DLG2: variants seen among roughly 807,000 people sequenced by gnomAD.
DLG2 encodes the protein discs large MAGUK scaffold protein 2.
In DLG2, 45 loss-of-function variants were observed where a neutral mutation model predicts 132.5. The ratio of observed to expected loss-of-function variants is 0.34; its 90% CI spans 0.27 to 0.44. The LOEUF (loss-of-function observed/expected upper bound fraction) is 0.44. DLG2 is among the 20% of genes least tolerant of loss of function. The probability of loss-of-function intolerance (pLI) is 1.00; values close to 1 mark genes in which losing one functional copy is unlikely to be tolerated. For missense variants in DLG2, 1,045 were observed against 1,196.9 expected, an observed-to-expected ratio of 0.87 and a Z score of 1.87; for synonymous variants, 424 against 419.6, an observed-to-expected ratio of 1.01 and a Z score of -0.13.
chr11:84,591,818 G>GT (rs2099544056), intron 6 of DLG2, among the ~76,000 whole-genome samples: 1 of 152,102 alleles, frequency 6.6e-6, no homozygotes, highest in African/African-American at 2.4e-5. Context: ...CAGAATCTCT[G>GT]TGGGGGTAGG....
intron 6 of DLG2, among the ~76,000 whole-genome samples, chr11:84,625,376 G>A (rs1399392879): frequency 6.6e-6 from 1 of 152,110 alleles, no homozygotes; most frequent in Non-Finnish European, 1.5e-5. Flanking sequence ...CATTTCTCCT[G>A]AACAAGCTGC....
At chr11:83,925,013 T>G (rs2078696767) in intron 15 of DLG2, among the ~76,000 whole-genome samples, 1 of 152,262 alleles carries the variant, frequency 6.6e-6, no homozygotes, top group Middle Eastern at 3.4e-3. Flanking sequence ...TCATATTTGC[T>G]TCCAACACTA....
chr11:83,631,149 C>A, intron 19 of DLG2: 1 of 140,604 alleles, frequency 7.1e-6, no homozygotes, highest in South Asian at 2.3e-4. Context: ...AAGAATTTCA[C>A]TTAGGCCTTG....
chr11:84,811,743 G>A (rs1312873136), intron 6 of DLG2, among the ~76,000 whole-genome samples: 1 of 152,104 alleles, frequency 6.6e-6, no homozygotes, highest in Non-Finnish European at 1.5e-5. Context: ...TGTACTGCAT[G>A]CCTACTCTGT....
intron 6 of DLG2, among the ~76,000 whole-genome samples, chr11:85,103,678 T>A (rs2071243030): frequency 1.3e-5 from 2 of 151,936 alleles, no homozygotes; most frequent in African/African-American, 4.8e-5. Context: ...CAAGCCTTTT[T>A]AGATATAACA....
chr11:84,225,900 T>C (rs1441447571), intron 8 of DLG2, among the ~76,000 whole-genome samples: 1 of 152,104 alleles, frequency 6.6e-6, no homozygotes, highest in African/African-American at 2.4e-5. Context: ...AACCTCCTCT[T>C]CCAGAGTTCA....
intron 7 of DLG2, among the ~76,000 whole-genome samples, chr11:84,532,817 T>A (rs2099346074): frequency 6.6e-6 from 1 of 151,232 alleles, no homozygotes; most frequent in Non-Finnish European, 1.5e-5. Context: ...TTATAGGGAG[T>A]TTTTCAACCA....
At chr11:83,829,555 CT>C (rs993021766) in intron 17 of DLG2, among the ~76,000 whole-genome samples, 1 of 152,066 alleles carries the variant, frequency 6.6e-6, no homozygotes, top group Non-Finnish European at 1.5e-5. Flanking sequence ...TTGCTTGCCC[CT>C]GTATGTCCAG....
intron 7 of DLG2, among the ~76,000 whole-genome samples, chr11:84,501,431 G>T (rs2099204771): frequency 6.6e-6 from 1 of 152,156 alleles, no homozygotes; most frequent in African/African-American, 2.4e-5. Context: ...CAGGCATAGT[G>T]GTGCATGCCT....
At chr11:84,619,971 G>T (rs1187859535) in intron 6 of DLG2, among the ~76,000 whole-genome samples, 1 of 149,730 alleles carries the variant, frequency 6.7e-6, no homozygotes, top group East Asian at 1.9e-4. Flanking sequence ...GCACATGAAA[G>T]AATAAAACCT....
At chr11:84,020,781 G>A (rs4630323) in intron 11 of DLG2, among the ~76,000 whole-genome samples, 2,507 of 152,156 alleles carry the variant, frequency 0.016, 70 homozygotes, top group African/African-American at 0.056. Flanking sequence ...CTCTCAGGAC[G>A]GCATACAAAG....
chr11:84,767,208 T>A (rs542068971), intron 6 of DLG2, among the ~76,000 whole-genome samples: 10 of 152,100 alleles, frequency 6.6e-5, no homozygotes, highest in Admixed American at 2.6e-4. Context: ...AATCATTTTA[T>A]ATATGCAAGT....
rs60935969 is a variant in DLG2 at position 85,452,107 on chromosome 11, A to G, written c.40+146550T>C. Among the ~76,000 whole-genome samples the G allele has an allele frequency of 9.7e-3, 1,473 of 152,218 alleles. 21 individuals are homozygous for G. The highest frequency in any genetic ancestry group is 0.033 in the African/African-American group (1,389 of 41,546). On this transcript the variant is annotated intron_variant, in intron 3 of 27. Transcript: ENST00000376104. ...CTGTGGTATTTTTATAATAGATTATATTTTACATAATATAAATAAAATCAC... is the reference window on the plus strand; with the variant it reads ...CTGTGGTATTTTTATAATAGATTATGTTTTACATAATATAAATAAAATCAC...
intron 3 of DLG2, among the ~76,000 whole-genome samples, chr11:85,501,937 T>G (rs1309821303): frequency 6.6e-6 from 1 of 152,188 alleles, no homozygotes; most frequent in Non-Finnish European, 1.5e-5. Flanking sequence ...CAAAGGATTA[T>G]AAATCATTCT....
intron 18 of DLG2, among the ~76,000 whole-genome samples, chr11:83,669,672 AG>A (rs376092621): frequency 4.1e-4 from 62 of 152,346 alleles, no homozygotes; most frequent in African/African-American, 1.4e-3. Flanking sequence ...AGGGACCACA[AG>A]GGTGTTTATG....
intron 4 of DLG2, among the ~76,000 whole-genome samples, chr11:85,163,206 T>TACACACAC (rs776985320): frequency 4.7e-4 from 69 of 148,276 alleles, no homozygotes; most frequent in Admixed American, 1.1e-3. Flanking sequence ...TTATATATAT[T>TACACACAC]ACACACACAC....
chr11:84,131,291 C>G (rs1234664251), intron 9 of DLG2, among the ~76,000 whole-genome samples: 2 of 151,880 alleles, frequency 1.3e-5, no homozygotes, highest in African/African-American at 4.8e-5. Flanking sequence ...TTATTGACGC[C>G]TAAGATAAAG....
intron 6 of DLG2, among the ~76,000 whole-genome samples, chr11:84,695,264 A>G (rs948294202): frequency 6.6e-6 from 1 of 151,566 alleles, no homozygotes; most frequent in Non-Finnish European, 1.5e-5. Context: ...GACATGTCCA[A>G]GATGCACTGC....
intron 7 of DLG2, among the ~76,000 whole-genome samples, chr11:84,263,828 T>C (rs768002446): frequency 2.9e-4 from 44 of 152,172 alleles, no homozygotes; most frequent in Admixed American, 6.5e-5. Flanking sequence ...AAAGATGAAG[T>C]ATGAGTTTTA....
Sources: allele counts gnomAD v4.1 joint callset (sites outside exome capture counted in the v4.1 genomes callset), GRCh38; gene constraint gnomAD v4.1.1; transcripts MANE v1.5; gene names NCBI Gene and HGNC (gene_info 2026-07-23, HGNC 2026-07-21).